ZSWIM6: variants seen among roughly 807,000 people sequenced by gnomAD.
ZSWIM6 encodes the protein zinc finger SWIM domain-containing protein 6.
Under a neutral mutation model 113.2 loss-of-function variants are expected in ZSWIM6, and 9 were observed. The ratio of observed to expected loss-of-function variants is 0.08; its 90% CI spans 0.05 to 0.14. The LOEUF (loss-of-function observed/expected upper bound fraction) is 0.14, where lower values mean the gene tolerates loss of function less well. Among genes scored for constraint, ZSWIM6 ranks in the 10% least tolerant of loss-of-function variants. ZSWIM6 has a pLI of 1.00. For synonymous variants in ZSWIM6, 611 were observed against 606.5 expected (o/e 1.01, Z -0.11); for missense variants, 1,162 against 1,552.2 (o/e 0.75, Z 4.22).
At chr5:61,355,466 A>G (rs1268326936) in intron 1 of ZSWIM6, among the ~76,000 whole-genome samples, 10 of 150,152 alleles carry the variant, frequency 6.7e-5, no homozygotes, top group African/African-American at 2.4e-4. Context: ...ACACACACAC[A>G]CACACACACA....
At chr5:61,476,702 T>G (rs568578811) in intron 2 of ZSWIM6, among the ~76,000 whole-genome samples, 1 of 152,190 alleles carries the variant, frequency 6.6e-6, no homozygotes, top group Non-Finnish European at 1.5e-5. Flanking sequence ...TAGAGTCTTA[T>G]AGATTTCCAA....
At chr5:61,423,430 A>C (rs1746396131) in intron 1 of ZSWIM6, among the ~76,000 whole-genome samples, 1 of 151,988 alleles carries the variant, frequency 6.6e-6, no homozygotes, top group African/African-American at 2.4e-5. Flanking sequence ...ACAAAAAAAA[A>C]ACAAAACGGC....
intron 1 of ZSWIM6, among the ~76,000 whole-genome samples, chr5:61,437,638 G>A (rs1250428215): frequency 6.7e-6 from 1 of 150,112 alleles, no homozygotes; most frequent in Non-Finnish European, 1.5e-5. Context: ...GGGAGCTTGA[G>A]CCTGGGAGGT....
intron 7 of ZSWIM6, among the ~76,000 whole-genome samples, chr5:61,528,143 C>G (rs1380559765): frequency 6.6e-6 from 1 of 152,082 alleles, no homozygotes; most frequent in African/African-American, 2.4e-5. Context: ...ATAGGCTTTT[C>G]CATAGCTGTT....
chr5:61,389,554 CAAAAAAAAAAA>C (rs60533774), intron 1 of ZSWIM6, among the ~76,000 whole-genome samples: 1 of 50,988 alleles, frequency 2.0e-5, no homozygotes, highest in Non-Finnish European at 3.9e-5. Flanking sequence ...GACTCAGTCT[CAAAAAAAAAAA>C]AAAAAAAAAA....
chr5:61,444,014 G>A lies in ZSWIM6; in HGVS notation c.677-28667G>A, dbSNP rs935817172. On this transcript the variant is annotated intron_variant, in intron 1 of 13. Coordinates refer to ENST00000252744, the MANE Select transcript of ZSWIM6 (RefSeq NM_020928.2). ...CACAATGTGCAGGTTTGTTACATAC[G>A]TATACGTGTGCCATGTTGGTGTGCT... Among the ~76,000 whole-genome samples the A allele has an allele frequency of 3.3e-5, 5 of 151,584 alleles. No individual in the cohort carries two copies. The East Asian group carries it at 5.8e-4, about 18-fold the overall frequency.
chr5:61,391,533 T>C (rs983723257), intron 1 of ZSWIM6: 13 of 1,037,256 alleles, frequency 1.3e-5, no homozygotes, highest in Non-Finnish European at 2.0e-5. Flanking sequence ...GTCTCTTGCA[T>C]GCATCGCTGA....
At chr5:61,339,899 C>G (rs1352698001) in intron 1 of ZSWIM6, among the ~76,000 whole-genome samples, 3 of 152,166 alleles carry the variant, frequency 2.0e-5, no homozygotes, top group African/African-American at 7.2e-5. Flanking sequence ...CGAACTGTTT[C>G]CCTCTTTAAG....
At chr5:61,334,992 G>A (rs1744363690) in intron 1 of ZSWIM6, among the ~76,000 whole-genome samples, 1 of 151,876 alleles carries the variant, frequency 6.6e-6, no homozygotes, top group South Asian at 2.1e-4. Context: ...TTGGCTGATT[G>A]CATTTAAGCC....
intron 1 of ZSWIM6, among the ~76,000 whole-genome samples, chr5:61,343,031 G>T (rs145490564): frequency 6.6e-6 from 1 of 152,282 alleles, no homozygotes; most frequent in Non-Finnish European, 1.5e-5. Context: ...TCGTATATAT[G>T]CAGCAAAGTT....
In ZSWIM6 at chr5:61,384,538, A is replaced by G. The variant is rs570851341; in HGVS notation, c.676+51590A>G. On this transcript the variant is annotated intron_variant, in intron 1 of 13. Coordinates refer to ENST00000252744, the MANE Select transcript of ZSWIM6 (RefSeq NM_020928.2). ...CAGTTGAGTCTGAATTCATGAGATT[A>G]TGGGGTTTAGAAAGTGTGAAGATGG... 3.3e-5 allele frequency among the ~76,000 whole-genome samples: 5 copies of G among 152,282 alleles called. No individual in the cohort carries two copies. In the East Asian group the frequency reaches 9.7e-4, roughly 29 times the overall value.
In ZSWIM6 at chr5:61,332,772, CCTCG is replaced by C. The variant is rs1561194259; in HGVS notation, c.501_504del (p.Ser168ProfsTer51). 6.7e-5 allele frequency: 52 copies of C among 774,352 alleles called. No individual in the cohort carries two copies. Among genetic ancestry groups the C allele is most frequent in the African/African-American group, 5.1e-4 (23 of 44,766 alleles). The allele number at this position is 774,352 out of a possible 1,614,324, so 48.0% of individuals were successfully genotyped here. ...CCGGCCGCAACCTCGGCGGCCGCAA[CCTCG>C]GCCGCCGCCGCCGCTGCCGCCGCCG... On this transcript the variant is annotated frameshift_variant, in exon 1 of 14. Transcript: ENST00000252744. LOFTEE classifies it high-confidence loss of function.
Position 61,472,540 on chromosome 5 carries a change from C to T in ZSWIM6, c.677-141C>T. On this transcript the variant is annotated intron_variant, in intron 1 of 13. Transcript: ENST00000252744. The surrounding 1 kb of genome is among the most constrained non-coding windows in gnomAD (Gnocchi z 4.1). The stretch of plus-strand genomic sequence containing the variant: ...GGGGGTGGTGGTAGTGGTTAGTGGC[C>T]TGAATGTTTTTACTTGAATATAGAG... The T allele has an allele frequency of 1.7e-6, 1 of 596,072 alleles. No individual in the cohort carries two copies. The highest frequency in any genetic ancestry group is 3.4e-5 in the South Asian group (1 of 29,758). 36.9% of individuals were successfully genotyped at this position (596,072 alleles called of 1,614,324 possible). A position where few individuals can be genotyped will look rare whatever the true frequency, so the allele number is the denominator to read the frequency against.
chr5:61,333,201 G>A (rs940287337), intron 1 of ZSWIM6, among the ~76,000 whole-genome samples: 1 of 151,834 alleles, frequency 6.6e-6, no homozygotes, highest in Non-Finnish European at 1.5e-5. Flanking sequence ...CGTGGGCTCC[G>A]CGCCCCCGGC....
chr5:61,372,465 G>A (rs1283575170), intron 1 of ZSWIM6, among the ~76,000 whole-genome samples: 2 of 152,124 alleles, frequency 1.3e-5, no homozygotes, highest in Non-Finnish European at 2.9e-5. Context: ...CAACTCAGTA[G>A]CACTGAACAC....
At chr5:61,421,251 A>T (rs1746350477) in intron 1 of ZSWIM6, among the ~76,000 whole-genome samples, 1 of 151,966 alleles carries the variant, frequency 6.6e-6, no homozygotes, top group African/African-American at 2.4e-5. Flanking sequence ...TTTTGTACCC[A>T]TTAACCATCC....
chr5:61,530,637 A>G (rs146403117), intron 8 of ZSWIM6, among the ~76,000 whole-genome samples: 1 of 152,356 alleles, frequency 6.6e-6, no homozygotes, highest in East Asian at 1.9e-4. Flanking sequence ...ATTAAATGTC[A>G]TTTAAAACTG....
At chr5:61,333,416 C>T (rs904948696) in intron 1 of ZSWIM6, among the ~76,000 whole-genome samples, 1 of 151,886 alleles carries the variant, frequency 6.6e-6, no homozygotes, top group Non-Finnish European at 1.5e-5. Context: ...CCCCCCTCTC[C>T]CACTGCCTGT....
chr5:61,383,805 C>T (rs1745534318), intron 1 of ZSWIM6, among the ~76,000 whole-genome samples: 1 of 151,714 alleles, frequency 6.6e-6, no homozygotes, highest in African/African-American at 2.4e-5. Flanking sequence ...CCTCGGCCTC[C>T]CAAAGTGCTG....
Sources: allele counts gnomAD v4.1 joint callset (sites outside exome capture counted in the v4.1 genomes callset), GRCh38; gene constraint gnomAD v4.1.1; non-coding constraint Gnocchi (gnomAD v3.1); transcripts MANE v1.5; gene names NCBI Gene and HGNC (gene_info 2026-07-23, HGNC 2026-07-21).